Variants in SUPT3H observed in about 807,000 individuals in gnomAD.
SUPT3H encodes SPT3 homolog, SAGA and STAGA complex component, also known as transcription initiation protein SPT3 homolog.
SUPT3H carries 44 observed loss-of-function variants against 44.3 expected under a neutral mutation model. The ratio of observed to expected loss-of-function variants is 0.99; its 90% CI spans 0.78 to 1.28. The LOEUF (loss-of-function observed/expected upper bound fraction) is 1.28. Among genes scored for constraint, SUPT3H ranks in the 50% most tolerant of loss-of-function variants. The pLI, the probability that SUPT3H is intolerant of heterozygous loss-of-function variation, is 0.00. For missense variants in SUPT3H, 380 were observed against 387.1 expected (o/e 0.98, Z 0.15); for synonymous variants, 124 against 125.6 (o/e 0.99, Z 0.09).
At chr6:45,361,297 T>C (rs1257956946) in intron 2 of SUPT3H, among the ~76,000 whole-genome samples, 1 of 152,136 alleles carries the variant, frequency 6.6e-6, no homozygotes, top group Non-Finnish European at 1.5e-5. Context: ...TTCAATGTTA[T>C]TGCTATTTAT....
intron 2 of SUPT3H, among the ~76,000 whole-genome samples, chr6:45,362,818 T>G (rs1283391456): frequency 6.6e-6 from 1 of 150,772 alleles, no homozygotes; most frequent in Non-Finnish European, 1.5e-5. Context: ...AAGAAAGTGC[T>G]GAATTTAGCC....
intron 2 of SUPT3H, among the ~76,000 whole-genome samples, chr6:45,267,530 A>C (rs1775447283): frequency 6.6e-6 from 1 of 152,206 alleles, no homozygotes; most frequent in Non-Finnish European, 1.5e-5. Flanking sequence ...TAGTTGAGAT[A>C]TTAAGAAATT....
chr6:45,353,847 T>C (rs539116763), intron 2 of SUPT3H, among the ~76,000 whole-genome samples: 11 of 142,904 alleles, frequency 7.7e-5, no homozygotes, highest in South Asian at 6.8e-4. Flanking sequence ...GCGGGGAAAA[T>C]AGGGAAAATG....
chr6:44,968,054 A>T (rs1349698831), intron 6 of SUPT3H, among the ~76,000 whole-genome samples: 21 of 152,070 alleles, frequency 1.4e-4, no homozygotes, highest in Non-Finnish European at 5.9e-5. Flanking sequence ...CGGCCTCCCA[A>T]AGTGCTGGGA....
chr6:45,291,225 C>G (rs755773928), intron 2 of SUPT3H, among the ~76,000 whole-genome samples: 1 of 152,116 alleles, frequency 6.6e-6, no homozygotes. Context: ...TCCCAGGAAG[C>G]CACATCCATG....
intron 2 of SUPT3H, among the ~76,000 whole-genome samples, chr6:45,327,084 T>C (rs1786477848): frequency 6.6e-6 from 1 of 151,936 alleles, no homozygotes; most frequent in South Asian, 2.1e-4. Context: ...TATATAATCA[T>C]CCTAATAAGA....
At chr6:44,871,104 T>TA (rs1006685409) in intron 10 of SUPT3H, among the ~76,000 whole-genome samples, 82 of 150,566 alleles carry the variant, frequency 5.4e-4, no homozygotes, top group Non-Finnish European at 9.8e-4. Context: ...CTTGCTTAGG[T>TA]AAAAAAAGCA....
At chr6:44,910,718 G>C (rs1385124322) in intron 10 of SUPT3H, among the ~76,000 whole-genome samples, 1 of 149,764 alleles carries the variant, frequency 6.7e-6, no homozygotes, top group Admixed American at 6.6e-5. Flanking sequence ...AGGGGGCCAG[G>C]CATGGTGGCT....
At chr6:45,211,479 T>A (rs1448754132) in intron 2 of SUPT3H, among the ~76,000 whole-genome samples, 1 of 152,202 alleles carries the variant, frequency 6.6e-6, no homozygotes, top group Non-Finnish European at 1.5e-5. Context: ...ATAATTATGT[T>A]CTGTGCTTTC....
chr6:45,174,274 C>T (rs574489909), intron 2 of SUPT3H, among the ~76,000 whole-genome samples: 20 of 152,282 alleles, frequency 1.3e-4, no homozygotes, highest in Admixed American at 9.8e-4. Context: ...TTGATGTGAT[C>T]CTCAGGTTTG....
intron 3 of SUPT3H, among the ~76,000 whole-genome samples, chr6:45,093,498 A>G (rs1797406026): frequency 6.6e-6 from 1 of 152,186 alleles, no homozygotes; most frequent in East Asian, 1.9e-4. Context: ...AAGACATTCA[A>G]AGATCTTGGG....
At chr6:44,935,554 CTG>C (rs1362257714) in intron 9 of SUPT3H, among the ~76,000 whole-genome samples, 1 of 152,104 alleles carries the variant, frequency 6.6e-6, no homozygotes, top group Non-Finnish European at 1.5e-5. Flanking sequence ...GATATAAACT[CTG>C]TATTTCTTTA....
chr6:44,891,801 G>GA (rs977544069), intron 10 of SUPT3H, among the ~76,000 whole-genome samples: 11 of 148,428 alleles, frequency 7.4e-5, no homozygotes, highest in African/African-American at 2.2e-4. Flanking sequence ...TTCATTCCAG[G>GA]AAAAAAAAGA....
chr6:45,337,188 G>T (rs1788744162), intron 2 of SUPT3H, among the ~76,000 whole-genome samples: 2 of 151,756 alleles, frequency 1.3e-5, no homozygotes, highest in South Asian at 4.1e-4. Flanking sequence ...ATGACTTACA[G>T]AATTTTTTTC....
intron 10 of SUPT3H, among the ~76,000 whole-genome samples, chr6:44,886,222 A>C (rs918698598): frequency 2.0e-5 from 3 of 152,184 alleles, no homozygotes; most frequent in African/African-American, 7.2e-5. Context: ...AACTTCCCCA[A>C]TCTAGCAAGG....
chr6:45,281,676 C>A (rs932766778), intron 2 of SUPT3H, among the ~76,000 whole-genome samples: 3 of 152,172 alleles, frequency 2.0e-5, no homozygotes, highest in Non-Finnish European at 4.4e-5. Flanking sequence ...CAGGGCATAG[C>A]CAAACAATAG....
chr6:44,921,326 T>G (rs1377917371), intron 10 of SUPT3H, among the ~76,000 whole-genome samples: 1 of 152,234 alleles, frequency 6.6e-6, no homozygotes, highest in Non-Finnish European at 1.5e-5. Flanking sequence ...CAGGAAGGCA[T>G]GTACTTTGGA....
At chr6:45,007,992 T>C (rs1014070423) in intron 5 of SUPT3H, among the ~76,000 whole-genome samples, 45 of 152,334 alleles carry the variant, frequency 3.0e-4, no homozygotes, top group Non-Finnish European at 4.9e-4. Context: ...GGTTCATCCA[T>C]GTTTTAGCAT....
chr6:45,185,358 T>C (rs1814013811), intron 2 of SUPT3H, among the ~76,000 whole-genome samples: 1 of 152,162 alleles, frequency 6.6e-6, no homozygotes, highest in South Asian at 2.1e-4. Flanking sequence ...ACCCTTGGTG[T>C]TACTGATGCC....
Sources: gnomAD v4.1 joint callset for allele counts (sites outside exome capture counted in the v4.1 genomes callset) on GRCh38, gnomAD v4.1.1 for gene constraint, MANE v1.5 for transcripts, NCBI Gene and HGNC (gene_info 2026-07-23, HGNC 2026-07-21) for gene names.